The following CDK14 variants were observed in gnomAD, a reference collection of about 807,000 sequenced individuals.
CDK14 encodes cyclin-dependent kinase 14.
CDK14 carries 34 observed loss-of-function variants against 60.7 expected under a neutral mutation model. The ratio of observed to expected loss-of-function variants is 0.56; its 90% CI spans 0.43 to 0.75. CDK14 has a LOEUF of 0.75. Among genes scored for constraint, CDK14 ranks in the 30% least tolerant of loss-of-function variants. The pLI is 0.00. For synonymous variants in CDK14, 197 were observed against 203.7 expected, an observed-to-expected ratio of 0.97 and a Z score of 0.28; for missense variants, 482 against 564.1, an observed-to-expected ratio of 0.85 and a Z score of 1.47.
chr7:90,638,522 C>G (rs1348309543), intron 2 of CDK14, among the ~76,000 whole-genome samples: 1 of 152,222 alleles, frequency 6.6e-6, no homozygotes. Flanking sequence ...ATGGGCTTCC[C>G]TTTGTGGGTA....
At position 91,068,543 on chromosome 7, in the gene CDK14, T is replaced by C. The variant is rs139600049; in HGVS notation, c.1106-10889T>C. ...ATTCCACATCTTTGTAACCTGGAAATTGGAGATCAGTCAGTGCTCTATGAA... is the reference window on the plus strand; with the variant it reads ...ATTCCACATCTTTGTAACCTGGAAACTGGAGATCAGTCAGTGCTCTATGAA... On this transcript the variant is annotated intron_variant, in intron 11 of 14. Transcript: ENST00000380050. Among the ~76,000 whole-genome samples the C allele has an allele frequency of 3.1e-3, 466 of 152,292 alleles. 2 individuals carry two copies. The highest frequency in any genetic ancestry group is 0.011 in the African/African-American group (447 of 41,560).
intron 2 of CDK14, among the ~76,000 whole-genome samples, chr7:90,659,338 A>G (rs1279307999): frequency 3.3e-5 from 5 of 152,242 alleles, no homozygotes; most frequent in Admixed American, 3.3e-4. Context: ...AGTTTATAGC[A>G]TTTTCGCAGG....
At chr7:90,830,497 G>A (rs1254122087) in intron 5 of CDK14, among the ~76,000 whole-genome samples, 4 of 152,178 alleles carry the variant, frequency 2.6e-5, no homozygotes, top group Non-Finnish European at 4.4e-5. Context: ...TGGTGGGAGG[G>A]GCTGCTGCAA....
intron 14 of CDK14, among the ~76,000 whole-genome samples, chr7:91,167,066 C>A (rs1801368140): frequency 1.3e-5 from 2 of 151,996 alleles, no homozygotes; most frequent in Non-Finnish European, 2.9e-5. Flanking sequence ...ATTTTAAATC[C>A]CCCTAAAAGG....
chr7:90,795,171 A>G (rs1806008288), intron 5 of CDK14, among the ~76,000 whole-genome samples: 1 of 152,234 alleles, frequency 6.6e-6, no homozygotes, highest in African/African-American at 2.4e-5. Flanking sequence ...GAATACAACT[A>G]CAGTGTAAAT....
chr7:90,915,172 C>A (rs1793037007), intron 7 of CDK14, among the ~76,000 whole-genome samples: 1 of 152,158 alleles, frequency 6.6e-6, no homozygotes. Context: ...GATAATAGCT[C>A]ACGCCTGTAA....
At chr7:90,945,844 C>G (rs1267947559) in intron 8 of CDK14, among the ~76,000 whole-genome samples, 1 of 152,102 alleles carries the variant, frequency 6.6e-6, no homozygotes, top group Non-Finnish European at 1.5e-5. Flanking sequence ...AAGCTTAGCC[C>G]CAAATCACAC....
At chr7:90,678,585 G>C (rs943781434) in intron 2 of CDK14, among the ~76,000 whole-genome samples, 4 of 152,158 alleles carry the variant, frequency 2.6e-5, no homozygotes, top group Non-Finnish European at 5.9e-5. Context: ...AGCCTCTTCA[G>C]GTTAAGGGTA....
intron 5 of CDK14, among the ~76,000 whole-genome samples, chr7:90,851,634 A>C (rs1790648261): frequency 6.6e-6 from 1 of 152,120 alleles, no homozygotes; most frequent in Admixed American, 6.6e-5. Flanking sequence ...TTTCTTACCT[A>C]GAGGAATGTA....
rs555893757 is a variant in CDK14, at chr7:90,684,370, A to G, written c.124-42197A>G. On this transcript the variant is annotated intron_variant, in intron 2 of 14. Transcript: ENST00000380050. ...GATTACTACAGTAAAACCAGGTAACATATCCATCACTTAGCAGTTACCTTC... is the reference window on the plus strand; with the variant it reads ...GATTACTACAGTAAAACCAGGTAACGTATCCATCACTTAGCAGTTACCTTC... 3.9e-5 allele frequency among the ~76,000 whole-genome samples: 6 copies of G among 152,360 alleles called. No homozygotes were observed. The East Asian group carries it at 9.6e-4, about 24-fold the overall frequency.
chr7:90,976,217 C>A (rs540732457), intron 9 of CDK14, among the ~76,000 whole-genome samples: 2 of 152,078 alleles, frequency 1.3e-5, no homozygotes, highest in African/African-American at 2.4e-5. Flanking sequence ...TAATGGCCAT[C>A]ATAATTGGAG....
chr7:90,952,093 G>A (rs553199337), intron 8 of CDK14, among the ~76,000 whole-genome samples: 19 of 152,230 alleles, frequency 1.2e-4, no homozygotes, highest in African/African-American at 4.6e-4. Flanking sequence ...GTCATTCCTG[G>A]TTAACTATCC....
intron 3 of CDK14, among the ~76,000 whole-genome samples, chr7:90,746,848 A>G (rs1268484123): frequency 6.6e-6 from 1 of 152,198 alleles, no homozygotes; most frequent in Non-Finnish European, 1.5e-5. Context: ...ATTTATGTAT[A>G]TATAAGAGAG....
chr7:90,930,052 A>G (rs1485846216), intron 8 of CDK14, among the ~76,000 whole-genome samples: 2 of 152,198 alleles, frequency 1.3e-5, no homozygotes, highest in African/African-American at 4.8e-5. Flanking sequence ...CAGTAAAATT[A>G]GTTTATAAGA....
intron 4 of CDK14, among the ~76,000 whole-genome samples, chr7:90,751,957 T>C (rs564493448): frequency 5.4e-4 from 82 of 152,230 alleles, no homozygotes; most frequent in Admixed American, 3.9e-3. Flanking sequence ...TGATAAAGTG[T>C]TCAATTCAAC....
intron 4 of CDK14, among the ~76,000 whole-genome samples, chr7:90,759,054 T>TAAA (rs66582106): frequency 1.9e-4 from 25 of 134,722 alleles, no homozygotes; most frequent in South Asian, 1.2e-3. Flanking sequence ...AGACTCTGTC[T>TAAA]AAAAAAAAAA....
intron 3 of CDK14, among the ~76,000 whole-genome samples, chr7:90,743,246 A>G (rs545455165): frequency 1.3e-5 from 2 of 152,248 alleles, no homozygotes; most frequent in East Asian, 1.9e-4. Flanking sequence ...TAATATATCT[A>G]TCATCTCATA....
At chr7:91,092,152 G>A (rs1240461323) in intron 12 of CDK14, among the ~76,000 whole-genome samples, 6 of 152,140 alleles carry the variant, frequency 3.9e-5, no homozygotes, top group African/African-American at 1.4e-4. Flanking sequence ...GATATGAAAT[G>A]TCACCTTTCC....
chr7:90,768,250 T>A (rs772538613), intron 4 of CDK14, among the ~76,000 whole-genome samples: 4 of 152,258 alleles, frequency 2.6e-5, no homozygotes, highest in Non-Finnish European at 5.9e-5. Flanking sequence ...TTATTGTAGC[T>A]GGCGCAGCCA....
Sources: gnomAD v4.1 joint callset for allele counts (sites outside exome capture counted in the v4.1 genomes callset) on GRCh38, gnomAD v4.1.1 for gene constraint, MANE v1.5 for transcripts, NCBI Gene and HGNC (gene_info 2026-07-23, HGNC 2026-07-21) for gene names.